KANK2: variants seen among roughly 807,000 people sequenced by gnomAD.
KANK2 encodes KN motif and ankyrin repeat domains 2, also known as KN motif and ankyrin repeat domain-containing protein 2.
Under a neutral mutation model 74.6 loss-of-function variants are expected in KANK2, and 41 were observed. The ratio of observed to expected loss-of-function variants is 0.55; its 90% CI spans 0.43 to 0.71. The LOEUF (loss-of-function observed/expected upper bound fraction) is 0.71. Among genes scored for constraint, KANK2 ranks in the 30% least tolerant of loss-of-function variants. KANK2 has a pLI of 0.00. For missense variants in KANK2, 1,148 were observed against 1,196.4 expected, an observed-to-expected ratio of 0.96 and a Z score of 0.60; for synonymous variants, 537 against 519.0, an observed-to-expected ratio of 1.03 and a Z score of -0.47.
At position 11,178,716 on chromosome 19, in the gene KANK2, G is replaced by A; in HGVS notation, c.1254C>T (p.Leu418=). The A allele has an allele frequency of 6.5e-7, 1 of 1,527,700 alleles. No homozygotes were observed. The highest frequency in any genetic ancestry group is 8.7e-7 in the Non-Finnish European group (1 of 1,142,956). The allele number at this position is 1,527,700 out of a possible 1,614,324, so 94.6% of individuals were successfully genotyped here. The change falls in exon 5 of 13, where the codon CTC becomes CTT. Residue 418 remains leucine, a synonymous_variant. Transcript: ENST00000586659. ...TERSCDGAAG[L]PEVPAESSSS... is the part of the protein sequence containing the mutation. The stretch of plus-strand genomic sequence containing the variant: ...AAGACGATTCGGCAGGAACTTCTGG[G>A]AGGCCTGGAGGGACAGGAAATGAGT...
At chr19:11,189,606 A>G (rs1333271440) in intron 4 of KANK2, among the ~76,000 whole-genome samples, 13 of 47,760 alleles carry the variant, frequency 2.7e-4, no homozygotes, top group Admixed American at 1.6e-3. Context: ...TCTGTCTCAA[A>G]AAAAAAAAAA....
intron 4 of KANK2, among the ~76,000 whole-genome samples, chr19:11,186,287 C>G (rs1275622750): frequency 6.6e-6 from 1 of 151,930 alleles, no homozygotes; most frequent in Non-Finnish European, 1.5e-5. Context: ...ACTAGAGATG[C>G]TGAGGCACAA....
intron 12 of KANK2, 89 bp from the exon 13 acceptor site, chr19:11,166,700 G>A (rs1005996993): frequency 4.5e-5 from 57 of 1,278,040 alleles, no homozygotes; most frequent in Non-Finnish European, 5.7e-5. Context: ...TAGATATGAT[G>A]GGTAAGCAGG....
intron 6 of KANK2, 60 bp downstream of exon 6, chr19:11,178,285 G>A (rs893847372): frequency 2.9e-5 from 34 of 1,179,002 alleles, no homozygotes; most frequent in South Asian, 2.6e-4. Context: ...GCTCTCGTGC[G>A]TGGATGAATG....
intron 12 of KANK2, 156 bp downstream of exon 12, chr19:11,169,721 A>C (rs544817966): frequency 2.8e-5 from 18 of 635,700 alleles, no homozygotes; most frequent in Admixed American, 5.2e-5. Flanking sequence ...GAATGGCTTG[A>C]AGCCGGGAGG....
At chr19:11,194,237 G>A (rs751727023) in intron 3 of KANK2, among the ~76,000 whole-genome samples, 195 bp from the exon 4 acceptor site, 2 of 152,012 alleles carry the variant, frequency 1.3e-5, no homozygotes, top group Admixed American at 6.6e-5. Flanking sequence ...AGGCTATGTC[G>A]CCTCTCAAAT....
At chr19:11,197,154 G>C (rs1861884263) in intron 1 of KANK2, 1 of 152,562 alleles carries the variant, frequency 6.6e-6, no homozygotes, top group African/African-American at 2.4e-5. Flanking sequence ...AACAGAGGCA[G>C]AAAGTGGGAC....
At position 11,166,068 on chromosome 19, in the gene KANK2, G is replaced by A. The variant is rs892112; in HGVS notation, c.*490C>T. The stretch of plus-strand genomic sequence containing the variant: ...ATTCTATATCAGACAATTAAATGTG[G>A]GGGATGAAGGGTGAACCCCAACTGG... On this transcript the variant is annotated 3_prime_UTR_variant, in exon 13 of 13. Transcript: ENST00000586659. 113,602 of 154,664 alleles carry A rather than the reference G, an allele frequency of 0.73. 42,075 individuals are homozygous for A. The highest frequency in any genetic ancestry group is 0.78 in the Non-Finnish European group (54,495 of 69,536). 9.6% of individuals were successfully genotyped at this position (154,664 alleles called of 1,614,324 possible). A position where few individuals can be genotyped will look rare whatever the true frequency, so the allele number is the denominator to read the frequency against.
intron 4 of KANK2, among the ~76,000 whole-genome samples, chr19:11,191,775 G>A (rs2078853975): frequency 6.6e-6 from 1 of 152,172 alleles, no homozygotes; most frequent in African/African-American, 2.4e-5. Flanking sequence ...TCTGAGCACT[G>A]AGGCCAGCGT....
intron 4 of KANK2, among the ~76,000 whole-genome samples, chr19:11,183,928 C>T (rs1465701442): frequency 6.6e-6 from 1 of 152,104 alleles, no homozygotes; most frequent in African/African-American, 2.4e-5. Context: ...ACTATGTTAC[C>T]TAGGCTGGCC....
At chr19:11,194,678 C>T (rs2078964409) in intron 2 of KANK2, 88 bp from the exon 3 acceptor site, 1 of 596,140 alleles carries the variant, frequency 1.7e-6, no homozygotes, top group Admixed American at 2.5e-5. Context: ...AGCTGGTTCA[C>T]CCAGCCCCCC....
chr19:11,181,382 G>A (rs1374227465), intron 4 of KANK2, among the ~76,000 whole-genome samples: 2 of 151,646 alleles, frequency 1.3e-5, no homozygotes, highest in Non-Finnish European at 2.9e-5. Flanking sequence ...GAATAGTTGG[G>A]ATTACAGGAG....
chr19:11,179,886 G>A (rs1309694846), intron 4 of KANK2, among the ~76,000 whole-genome samples: 1 of 152,088 alleles, frequency 6.6e-6, no homozygotes, highest in African/African-American at 2.4e-5. Context: ...GTAAGACAGG[G>A]TTTCACTCCC....
At chr19:11,172,577 C>T (rs1156549651) in intron 10 of KANK2, among the ~76,000 whole-genome samples, 2 of 152,186 alleles carry the variant, frequency 1.3e-5, no homozygotes, top group Non-Finnish European at 2.9e-5. Context: ...CACGCCACTT[C>T]CCTGCCTAAA....
chr19:11,180,093 CT>C (rs1340816636), intron 4 of KANK2, among the ~76,000 whole-genome samples: 1 of 152,166 alleles, frequency 6.6e-6, no homozygotes, highest in Non-Finnish European at 1.5e-5. Flanking sequence ...AACTCCTGAG[CT>C]CAAGTGATCC....
At chr19:11,190,571 T>C (rs1355353063) in intron 4 of KANK2, among the ~76,000 whole-genome samples, 1 of 152,138 alleles carries the variant, frequency 6.6e-6, no homozygotes, top group Non-Finnish European at 1.5e-5. Context: ...TGTGCATTAA[T>C]TCATAAATTC....
Position 11,193,898 on chromosome 19 carries a change from C to T in KANK2, c.182G>A (p.Arg61His), listed in dbSNP as rs754512529. Reference sequence around the variant, plus strand: ...GCGGGGGCGGCGCTGCACTGCCACGCGTCGCAGCGTGTGGCCCTTCTCGAT... The same window carrying T: ...GCGGGGGCGGCGCTGCACTGCCACGTGTCGCAGCGTGTGGCCCTTCTCGAT... ...DDIEKGHTLR[R>H]VAVQRRPRLS... is the part of the protein sequence containing the mutation. Residue 61 changes from arginine (R) to histidine (H), a missense_variant, in exon 4 of 13, where the codon CGC (arginine) becomes CAC (histidine). By Grantham distance (29) the Arg-to-His change is conservative (BLOSUM62 0). Transcript: ENST00000586659. This position sits in a 1 kb window ranked among gnomAD's most constrained non-coding sequence, Gnocchi z 9.6. 76 of 1,613,626 alleles carry T rather than the reference C, an allele frequency of 4.7e-5. No individual in the cohort carries two copies. The highest frequency in any genetic ancestry group is 3.3e-4 in the Middle Eastern group (2 of 6,084).
At chr19:11,177,073 C>T (rs1377610835) in intron 6 of KANK2, among the ~76,000 whole-genome samples, 1 of 147,610 alleles carries the variant, frequency 6.8e-6, no homozygotes, top group Non-Finnish European at 1.5e-5. Context: ...CCTTTTGACA[C>T]TTCTAGCATA....
Position 11,176,671 on chromosome 19 carries a change from T to C in KANK2, c.1667A>G (p.Lys556Arg). The C allele has an allele frequency of 6.2e-7, 1 of 1,613,760 alleles. No individual in the cohort carries two copies. The highest frequency in any genetic ancestry group is 2.2e-5 in the East Asian group (1 of 44,864). The part of the protein sequence containing the change: ...QLRPAGTAAA[K>R]TSRQECQLSR... ...CAGCTGACACTCCTGCCGGCTGGTC[T>C]TGGCCGCTGCCGTCCCTGCAGGCCT... Residue 556 changes from lysine (K) to arginine (R), a missense_variant, in exon 7 of 13, where the codon AAG (lysine) becomes AGG (arginine). Coordinates refer to ENST00000586659, the MANE Select transcript of KANK2 (RefSeq NM_001136191.3).
Sources: allele counts gnomAD v4.1 joint callset (sites outside exome capture counted in the v4.1 genomes callset), GRCh38; gene constraint gnomAD v4.1.1; non-coding constraint Gnocchi (gnomAD v3.1); transcripts MANE v1.5; gene names NCBI Gene and HGNC (gene_info 2026-07-23, HGNC 2026-07-21).